The following ASTN2 variants were observed in gnomAD, a reference collection of about 807,000 sequenced individuals.
ASTN2 encodes the protein astrotactin 2.
A neutral mutation model predicts 139.8 loss-of-function variants in ASTN2; 54 were observed. The ratio of observed to expected loss-of-function variants is 0.39; its 90% CI spans 0.31 to 0.48. The LOEUF (loss-of-function observed/expected upper bound fraction) is 0.48, where lower values mean the gene tolerates loss of function less well. Among genes scored for constraint, ASTN2 ranks in the 20% least tolerant of loss-of-function variants. The pLI, the probability that ASTN2 is intolerant of heterozygous loss-of-function variation, is 0.95. For synonymous variants in ASTN2, 756 were observed against 719.5 expected, an observed-to-expected ratio of 1.05 and a Z score of -0.81; for missense variants, 1,565 against 1,725.1, an observed-to-expected ratio of 0.91 and a Z score of 1.64.
At chr9:116,824,386 T>TCC (rs1379403294) in intron 11 of ASTN2, among the ~76,000 whole-genome samples, 1 of 55,770 alleles carries the variant, frequency 1.8e-5, no homozygotes, top group Non-Finnish European at 4.0e-5. Context: ...TCTGTCTGTC[T>TCC]CTCTCTCTCT....
intron 19 of ASTN2, among the ~76,000 whole-genome samples, chr9:116,497,881 G>A (rs999211199): frequency 2.0e-5 from 3 of 152,006 alleles, no homozygotes; most frequent in African/African-American, 7.2e-5. Flanking sequence ...TTATATCATT[G>A]TAAAGTGGAA....
chr9:116,909,119 G>A (rs1337551760), intron 10 of ASTN2, among the ~76,000 whole-genome samples: 1 of 152,174 alleles, frequency 6.6e-6, no homozygotes, highest in Non-Finnish European at 1.5e-5. Flanking sequence ...AGGCATTTGG[G>A]CAGGAGGTGA....
At chr9:117,135,569 AGACATAAATCAC>A (rs1325245062) in intron 4 of ASTN2, among the ~76,000 whole-genome samples, 1 of 152,220 alleles carries the variant, frequency 6.6e-6, no homozygotes, top group Non-Finnish European at 1.5e-5. Context: ...TTCTACAGAC[AGACATAAATCAC>A]TGTTTTTTCC....
intron 6 of ASTN2, 45 bp downstream of exon 6, chr9:117,039,774 A>C: frequency 6.3e-7 from 1 of 1,580,328 alleles, no homozygotes. Context: ...TCAGGGGTGC[A>C]AGGTGCTGAG....
intron 1 of ASTN2, among the ~76,000 whole-genome samples, chr9:117,310,103 T>C (rs541784900): frequency 3.3e-5 from 5 of 152,336 alleles, no homozygotes; most frequent in East Asian, 1.9e-4. Context: ...CAAACATATA[T>C]GTATGTGTGT....
intron 7 of ASTN2, among the ~76,000 whole-genome samples, chr9:116,983,758 A>C (rs1405693976): frequency 6.6e-6 from 1 of 152,212 alleles, no homozygotes; most frequent in Non-Finnish European, 1.5e-5. Context: ...AAATATATTT[A>C]TGTGGATAGG....
chr9:116,902,967 T>C (rs777558900), intron 10 of ASTN2, among the ~76,000 whole-genome samples: 9 of 152,146 alleles, frequency 5.9e-5, no homozygotes, highest in Non-Finnish European at 1.0e-4. Context: ...TTTGACCACA[T>C]CTCCCATTAC....
chr9:116,962,707 C>T (rs1412620887), intron 10 of ASTN2, among the ~76,000 whole-genome samples: 2 of 152,150 alleles, frequency 1.3e-5, no homozygotes. Context: ...AATTTCGTTG[C>T]ATCTACTAAC....
intron 13 of ASTN2, among the ~76,000 whole-genome samples, chr9:116,800,138 T>G (rs1588302918): frequency 6.6e-6 from 1 of 152,282 alleles, no homozygotes. Flanking sequence ...TTTTCATGTC[T>G]CCTTCAGTCC....
intron 16 of ASTN2, among the ~76,000 whole-genome samples, chr9:116,675,549 G>A (rs561697006): frequency 4.6e-5 from 7 of 152,290 alleles, no homozygotes; most frequent in East Asian, 1.9e-4. Flanking sequence ...GGAGGATTTC[G>A]AGGAGGATTC....
chr9:116,622,643 T>C (rs1856221037), intron 17 of ASTN2, among the ~76,000 whole-genome samples: 1 of 152,234 alleles, frequency 6.6e-6, no homozygotes, highest in African/African-American at 2.4e-5. Flanking sequence ...AGGTCTTTTC[T>C]GTTCAACAAT....
At chr9:117,399,297 C>T (rs1588013558) in intron 1 of ASTN2, among the ~76,000 whole-genome samples, 1 of 152,144 alleles carries the variant, frequency 6.6e-6, no homozygotes, top group East Asian at 1.9e-4. Flanking sequence ...CCAGGAAAGT[C>T]ATCTTAGAAG....
At chr9:116,827,894 C>T (rs1412115727) in intron 11 of ASTN2, among the ~76,000 whole-genome samples, 1 of 150,664 alleles carries the variant, frequency 6.6e-6, no homozygotes, top group Non-Finnish European at 1.5e-5. Flanking sequence ...TTCTATCAGG[C>T]CAGTATCACC....
intron 19 of ASTN2, among the ~76,000 whole-genome samples, chr9:116,558,939 T>A (rs376493735): frequency 6.6e-6 from 1 of 152,258 alleles, no homozygotes; most frequent in Admixed American, 6.5e-5. Flanking sequence ...TTAATATTTA[T>A]TGAGTGTCTA....
chr9:116,866,190 C>T (rs1241111194), intron 10 of ASTN2, among the ~76,000 whole-genome samples: 1 of 152,206 alleles, frequency 6.6e-6, no homozygotes, highest in Non-Finnish European at 1.5e-5. Context: ...GTCCCCAGCA[C>T]AGTCTGGAAG....
chr9:117,013,750 T>C (rs975688411), intron 6 of ASTN2, among the ~76,000 whole-genome samples: 1 of 152,032 alleles, frequency 6.6e-6, no homozygotes, highest in Admixed American at 6.6e-5. Flanking sequence ...CAGAGGCACA[T>C]CAGCCACCAA....
intron 6 of ASTN2, among the ~76,000 whole-genome samples, chr9:117,036,850 A>C (rs1254573325): frequency 6.6e-6 from 1 of 152,180 alleles, no homozygotes; most frequent in Non-Finnish European, 1.5e-5. Context: ...GAGATCTGTT[A>C]GTATGAAAAC....
chr9:117,285,282 C>CTTT (rs57546484), intron 2 of ASTN2, among the ~76,000 whole-genome samples: 2 of 130,140 alleles, frequency 1.5e-5, no homozygotes, highest in South Asian at 2.5e-4. Context: ...TTGTAAAAAG[C>CTTT]TTTTTTTTTT....
At chr9:117,212,760 T>C (rs562141624) in intron 3 of ASTN2, among the ~76,000 whole-genome samples, 1 of 152,286 alleles carries the variant, frequency 6.6e-6, no homozygotes, top group Admixed American at 6.5e-5. Context: ...TCAGTTAGAA[T>C]GGCTATTATA....
Sources: gnomAD v4.1 joint callset for allele counts (sites outside exome capture counted in the v4.1 genomes callset) on GRCh38, gnomAD v4.1.1 for gene constraint, MANE v1.5 for transcripts, NCBI Gene and HGNC (gene_info 2026-07-23, HGNC 2026-07-21) for gene names.